The following MGAT4C variants were observed in gnomAD, a reference collection of about 807,000 sequenced individuals.
MGAT4C encodes the protein MGAT4 family member C.
A neutral mutation model predicts 40.1 loss-of-function variants in MGAT4C; 19 were observed. The observed-to-expected ratio is 0.47, with a 90% CI of 0.33 to 0.70. The LOEUF (loss-of-function observed/expected upper bound fraction) is 0.70. MGAT4C is among the 30% of genes least tolerant of loss of function. The pLI is 0.02. For missense variants in MGAT4C, 491 were observed against 563.2 expected, an observed-to-expected ratio of 0.87 and a Z score of 1.30; for synonymous variants, 181 against 187.1, an observed-to-expected ratio of 0.97 and a Z score of 0.27.
At chr12:86,548,900 A>G in intron 2 of MGAT4C, among the ~76,000 whole-genome samples, 1 of 152,196 alleles carries the variant, frequency 6.6e-6, no homozygotes, top group East Asian at 1.9e-4. Flanking sequence ...AAACTTCTCG[A>G]AAAGGATGGA....
At chr12:86,678,063 C>G (rs918782666) in intron 2 of MGAT4C, among the ~76,000 whole-genome samples, 4 of 152,022 alleles carry the variant, frequency 2.6e-5, no homozygotes, top group Non-Finnish European at 5.9e-5. Flanking sequence ...CTGAACGCAC[C>G]CTGATTTCCA....
chr12:86,312,371 C>T (rs571293411), intron 4 of MGAT4C, among the ~76,000 whole-genome samples: 15 of 152,224 alleles, frequency 9.9e-5, no homozygotes, highest in South Asian at 4.1e-4. Flanking sequence ...AGCATAATAG[C>T]TATCACTCTT....
rs910651948 is a variant in MGAT4C at position 86,012,223 on chromosome 12, A to G, written c.-6-22671T>C. On this transcript the variant is annotated intron_variant, in intron 2 of 4. Coordinates refer to ENST00000611864, the MANE Select transcript of MGAT4C (RefSeq NM_001351288.2). ...ATACTTTTTATTTCTGTTACACCCAATGGGAAATCCTGAGCATATTTTTTT... is the reference window on the plus strand; with the variant it reads ...ATACTTTTTATTTCTGTTACACCCAGTGGGAAATCCTGAGCATATTTTTTT... Among the ~76,000 whole-genome samples, 3 of 152,154 alleles carry G rather than the reference A, an allele frequency of 2.0e-5. No individual in the cohort carries two copies. In the South Asian group the frequency reaches 6.2e-4, roughly 31 times the overall value.
intron 2 of MGAT4C, among the ~76,000 whole-genome samples, chr12:86,026,474 T>C (rs570961523): frequency 6.6e-6 from 1 of 152,066 alleles, no homozygotes; most frequent in East Asian, 1.9e-4. Context: ...ATTCACTTTA[T>C]TTTTTCAAAT....
chr12:86,710,196 C>G (rs557127113), intron 2 of MGAT4C, among the ~76,000 whole-genome samples: 1 of 152,294 alleles, frequency 6.6e-6, no homozygotes, highest in African/African-American at 2.4e-5. Context: ...TTTTCACTAT[C>G]AAAATGGCCA....
chr12:86,031,942 G>A (rs1890792143), intron 2 of MGAT4C, among the ~76,000 whole-genome samples: 1 of 151,762 alleles, frequency 6.6e-6, no homozygotes, highest in African/African-American at 2.4e-5. Flanking sequence ...GTGGGCCCTA[G>A]TGTCTGTTGT....
chr12:86,103,746 C>T (rs1026885122), intron 1 of MGAT4C, among the ~76,000 whole-genome samples: 3 of 152,208 alleles, frequency 2.0e-5, no homozygotes, highest in Middle Eastern at 3.4e-3. Context: ...CCAAGCTATA[C>T]CAATAATAGT....
intron 2 of MGAT4C, among the ~76,000 whole-genome samples, chr12:86,463,360 T>C (rs1291354759): frequency 1.3e-5 from 2 of 152,188 alleles, no homozygotes; most frequent in South Asian, 2.1e-4. Flanking sequence ...AAGAAGACTA[T>C]TTTAGTCATA....
Position 86,129,841 on chromosome 12 carries a change from G to A in MGAT4C, c.-56-80118C>T, listed in dbSNP as rs1280197824. 1.8e-3 allele frequency among the ~76,000 whole-genome samples: 23 copies of A among 13,016 alleles called. 9 individuals carry two copies. Among genetic ancestry groups the A allele is most frequent in the African/African-American group, 2.4e-3 (2 of 836 alleles). The allele number at this position is 13,016 out of a possible 152,430, so 8.5% of individuals were successfully genotyped here. A position where few individuals can be genotyped will look rare whatever the true frequency, so the allele number is the denominator to read the frequency against. On this transcript the variant is annotated intron_variant, in intron 1 of 4. Transcript: ENST00000611864. ...CCCAAAGTGCTGGGATTACAGGCGT[G>A]AGCCACCGCGCCCGGCCACAATCTT...
chr12:86,113,416 G>C (rs889491167), intron 1 of MGAT4C, among the ~76,000 whole-genome samples: 1 of 151,726 alleles, frequency 6.6e-6, no homozygotes, highest in South Asian at 2.1e-4. Flanking sequence ...TTTGGTTAAA[G>C]GTGATTTTGG....
intron 2 of MGAT4C, among the ~76,000 whole-genome samples, chr12:86,705,246 CT>C (rs1456393892): frequency 1.3e-5 from 2 of 151,846 alleles, no homozygotes; most frequent in Non-Finnish European, 2.9e-5. Context: ...ATCTATCTAT[CT>C]ATCTATCTAT....
chr12:86,739,296 A>C (rs1276660449), intron 1 of MGAT4C, among the ~76,000 whole-genome samples: 1 of 137,994 alleles, frequency 7.2e-6, no homozygotes, highest in African/African-American at 2.7e-5. Flanking sequence ...TATATTTACA[A>C]GTCTATATTT....
chr12:86,317,289 A>C (rs1210658006), intron 4 of MGAT4C, among the ~76,000 whole-genome samples: 1 of 151,896 alleles, frequency 6.6e-6, no homozygotes, highest in Non-Finnish European at 1.5e-5. Context: ...AGGTGAAGGA[A>C]GATAGGAGAT....
intron 2 of MGAT4C, among the ~76,000 whole-genome samples, chr12:86,031,748 T>G (rs1890774773): frequency 6.6e-6 from 1 of 151,916 alleles, no homozygotes; most frequent in African/African-American, 2.4e-5. Context: ...TTCAATTTTA[T>G]TTATTTATAT....
chr12:86,836,634 T>C (rs1953042211), intron 1 of MGAT4C, among the ~76,000 whole-genome samples: 1 of 151,982 alleles, frequency 6.6e-6, no homozygotes, highest in African/African-American at 2.4e-5. Flanking sequence ...ACTAACATGA[T>C]TGTGGTAGAG....
chr12:86,052,370 C>T (rs1892977555), intron 1 of MGAT4C, among the ~76,000 whole-genome samples: 1 of 151,548 alleles, frequency 6.6e-6, no homozygotes, highest in South Asian at 2.1e-4. Flanking sequence ...ATAACAAAAC[C>T]TAACAAGTGA....
At chr12:86,758,917 GT>G (rs1951352289) in intron 1 of MGAT4C, among the ~76,000 whole-genome samples, 1 of 151,966 alleles carries the variant, frequency 6.6e-6, no homozygotes, top group Non-Finnish European at 1.5e-5. Flanking sequence ...TCTTCTGCCT[GT>G]TTTGAAATAT....
chr12:86,798,385 G>C (rs2136200449), intron 1 of MGAT4C, among the ~76,000 whole-genome samples: 1 of 151,952 alleles, frequency 6.6e-6, no homozygotes, highest in East Asian at 1.9e-4. Flanking sequence ...TAATGTTCTA[G>C]ATTAATATCT....
chr12:86,699,398 T>G (rs369399486), intron 2 of MGAT4C, among the ~76,000 whole-genome samples: 6 of 152,184 alleles, frequency 3.9e-5, no homozygotes, highest in South Asian at 2.1e-4. Context: ...TCACATAATT[T>G]TAGATCAGAT....
Sources: allele counts gnomAD v4.1 joint callset (sites outside exome capture counted in the v4.1 genomes callset), GRCh38; gene constraint gnomAD v4.1.1; transcripts MANE v1.5; gene names NCBI Gene and HGNC (gene_info 2026-07-23, HGNC 2026-07-21).